TRHDE: variants seen among roughly 807,000 people sequenced by gnomAD.
TRHDE encodes thyrotropin-releasing hormone-degrading ectoenzyme.
In TRHDE, 72 loss-of-function variants were observed where a neutral mutation model predicts 125.7. That is an observed-to-expected ratio of 0.57 (90% CI 0.47 to 0.70). The LOEUF is 0.70. Among genes scored for constraint, TRHDE ranks in the 30% least tolerant of loss-of-function variants. The pLI, the probability that TRHDE is intolerant of heterozygous loss-of-function variation, is 0.00. For synonymous variants in TRHDE, 509 were observed against 509.1 expected, an observed-to-expected ratio of 1.00 and a Z score of 0.00; for missense variants, 1,110 against 1,327.1, an observed-to-expected ratio of 0.84 and a Z score of 2.54.
chr12:72,378,766 T>G (rs1435063470), intron 3 of TRHDE, among the ~76,000 whole-genome samples: 1 of 152,122 alleles, frequency 6.6e-6, no homozygotes, highest in Non-Finnish European at 1.5e-5. Context: ...TCTCTGTGAG[T>G]GTTCTTATAT....
intron 6 of TRHDE, among the ~76,000 whole-genome samples, chr12:72,513,562 G>T (rs1878699760): frequency 6.6e-6 from 1 of 152,088 alleles, no homozygotes; most frequent in African/African-American, 2.4e-5. Context: ...TTTCCTAGGA[G>T]AACCAAAATC....
chr12:72,337,204 A>G (rs1055969577), intron 2 of TRHDE, among the ~76,000 whole-genome samples: 1 of 152,186 alleles, frequency 6.6e-6, no homozygotes, highest in Admixed American at 6.5e-5. Context: ...CTGAAGTGGC[A>G]GAGACAAGTC....
intron 2 of TRHDE, among the ~76,000 whole-genome samples, chr12:72,304,350 T>C (rs1868307601): frequency 6.6e-6 from 1 of 152,172 alleles, no homozygotes; most frequent in South Asian, 2.1e-4. Context: ...CACCATAAGG[T>C]GGGAACAGCT....
chr12:72,488,119 T>C (rs960109115), intron 5 of TRHDE, among the ~76,000 whole-genome samples: 23 of 151,976 alleles, frequency 1.5e-4, no homozygotes, highest in African/African-American at 5.6e-4. Context: ...AAAGGAGTTA[T>C]AAAACAACCA....
chr12:72,217,555 T>C (rs1877917769), intron 2 of TRHDE, among the ~76,000 whole-genome samples: 1 of 152,168 alleles, frequency 6.6e-6, no homozygotes, highest in South Asian at 2.1e-4. Flanking sequence ...TCTCTGTAGG[T>C]AGAAGTAAGC....
At chr12:72,635,285 CT>C (rs984053642) in intron 15 of TRHDE, among the ~76,000 whole-genome samples, 186 of 152,274 alleles carry the variant, frequency 1.2e-3, no homozygotes, top group African/African-American at 4.1e-3. Flanking sequence ...TGTTTTTTGG[CT>C]GCATAAATGT....
intron 3 of TRHDE, among the ~76,000 whole-genome samples, chr12:72,380,767 C>T (rs1273807334): frequency 2.7e-4 from 10 of 36,752 alleles, no homozygotes; most frequent in African/African-American, 7.4e-4. Context: ...TCCTTCCTTG[C>T]TTCCTTCCTT....
chr12:72,169,140 T>TTTG (rs933909904), intron 2 of TRHDE, among the ~76,000 whole-genome samples: 2 of 138,798 alleles, frequency 1.4e-5, no homozygotes, highest in Non-Finnish European at 3.1e-5. Context: ...TGAAACAGAC[T>TTTG]TTTTTTTTTT....
intron 3 of TRHDE, among the ~76,000 whole-genome samples, chr12:72,428,196 G>A (rs185017086): frequency 2.9e-4 from 44 of 152,044 alleles, no homozygotes; most frequent in African/African-American, 1.0e-3. Context: ...CCATATACTA[G>A]GGACATATTT....
intron 7 of TRHDE, among the ~76,000 whole-genome samples, chr12:72,545,347 G>T (rs11179242): frequency 1.3e-5 from 2 of 151,266 alleles, no homozygotes; most frequent in Non-Finnish European, 3.0e-5. Context: ...AGTTAATAGC[G>T]GTTTTCTGCA....
intron 2 of TRHDE, among the ~76,000 whole-genome samples, chr12:72,230,204 A>G (rs567531300): frequency 2.6e-5 from 4 of 152,266 alleles, no homozygotes; most frequent in Admixed American, 2.6e-4. Flanking sequence ...TTTAATAAAT[A>G]TTACCTTAGA....
chr12:72,113,440 T>A (rs1373262322), intron 2 of TRHDE, among the ~76,000 whole-genome samples: 1 of 150,838 alleles, frequency 6.6e-6, no homozygotes, highest in Non-Finnish European at 1.5e-5. Flanking sequence ...GCCTGGCCAA[T>A]ATGGCGAAAC....
At chr12:72,568,925 G>A (rs1047341605) in intron 10 of TRHDE, among the ~76,000 whole-genome samples, 1 of 152,032 alleles carries the variant, frequency 6.6e-6, no homozygotes, top group Non-Finnish European at 1.5e-5. Flanking sequence ...GTTTAAAATT[G>A]TATTTCTTTA....
At chr12:72,331,472 C>G (rs145288566) in intron 2 of TRHDE, among the ~76,000 whole-genome samples, 9 of 66,924 alleles carry the variant, frequency 1.3e-4, no homozygotes, top group Middle Eastern at 0.015. Context: ...ACTATGCTAC[C>G]GAATGAACTA....
chr12:72,630,321 G>A (rs1873439617), intron 15 of TRHDE, among the ~76,000 whole-genome samples: 1 of 151,754 alleles, frequency 6.6e-6, no homozygotes, highest in Non-Finnish European at 1.5e-5. Context: ...TAGGGGAAAA[G>A]TAGTCAGAGA....
intron 3 of TRHDE, among the ~76,000 whole-genome samples, chr12:72,434,060 G>A (rs142193935): frequency 6.6e-6 from 1 of 152,210 alleles, no homozygotes; most frequent in Non-Finnish European, 1.5e-5. Context: ...GACAATCACC[G>A]TTCTACTGTG....
At chr12:72,516,809 G>A (rs1878886068) in intron 6 of TRHDE, among the ~76,000 whole-genome samples, 1 of 151,932 alleles carries the variant, frequency 6.6e-6, no homozygotes, top group Non-Finnish European at 1.5e-5. Flanking sequence ...ATTATTTTGA[G>A]ATACGTCCCA....
intron 2 of TRHDE, among the ~76,000 whole-genome samples, chr12:72,193,610 G>A (rs985876054): frequency 3.3e-5 from 5 of 152,068 alleles, no homozygotes; most frequent in Non-Finnish European, 7.4e-5. Flanking sequence ...AACTTCACCG[G>A]GAAGTAGGGG....
chr12:72,364,724 G>A (rs1565714051), intron 2 of TRHDE, among the ~76,000 whole-genome samples: 1 of 152,008 alleles, frequency 6.6e-6, no homozygotes, highest in South Asian at 2.1e-4. Flanking sequence ...AAGGAAGATG[G>A]CATTCGTCAA....
Sources: gnomAD v4.1 joint callset for allele counts (sites outside exome capture counted in the v4.1 genomes callset) on GRCh38, gnomAD v4.1.1 for gene constraint, MANE v1.5 for transcripts, NCBI Gene and HGNC (gene_info 2026-07-23, HGNC 2026-07-21) for gene names.